The following SRCIN1 variants were observed in gnomAD, a reference collection of about 807,000 sequenced individuals.
SRCIN1 encodes the protein P130Cas-associated protein.
SRCIN1 carries 50 observed loss-of-function variants against 116.2 expected under a neutral mutation model. The ratio of observed to expected loss-of-function variants is 0.43; its 90% confidence interval spans 0.34 to 0.54. The LOEUF is 0.54. Ranked by LOEUF, SRCIN1 falls within the 20% of genes least tolerant of loss-of-function variation. The probability of loss-of-function intolerance (pLI) is 0.02; values close to 1 mark genes in which losing one functional copy is unlikely to be tolerated. For missense variants in SRCIN1, 1,446 were observed against 1,672.0 expected (o/e 0.86, Z 2.36); for synonymous variants, 736 against 750.0 (o/e 0.98, Z 0.30).
upstream of SRCIN1, among the ~76,000 whole-genome samples, chr17:38,606,123 C>T (rs1350032275): frequency 2.0e-5 from 3 of 150,730 alleles, no homozygotes; most frequent in Admixed American, 1.3e-4. This position sits in a 1 kb window ranked among gnomAD's most constrained non-coding sequence, Gnocchi z 5.2. Flanking sequence ...GATCCCGCAG[C>T]GCGCGGCCGG....
At position 38,567,249 on chromosome 17, in the gene SRCIN1, G is replaced by A. The variant is rs573695427; in HGVS notation, c.345+962C>T. ...ACAATTCTATGATGCAGACATTGTC[G>A]TTCTACTCTACAGAGGAGAAACCAA... On this transcript the variant is annotated intron_variant, in intron 3 of 18. Transcript: ENST00000617146. Among the ~76,000 whole-genome samples the A allele has an allele frequency of 1.6e-4, 24 of 152,276 alleles. No homozygotes were observed. The South Asian group carries it at 2.1e-3, about 13-fold the overall frequency.
intron 1 of SRCIN1, among the ~76,000 whole-genome samples, chr17:38,593,184 G>A (rs1009509954): frequency 2.6e-5 from 4 of 152,172 alleles, no homozygotes; most frequent in African/African-American, 9.7e-5. Flanking sequence ...ATTTCAGGGA[G>A]GAGCAGGAAT....
Position 38,563,921 on chromosome 17 carries a change from G to T in SRCIN1, c.541+197C>A, listed in dbSNP as rs1190305810. 1 of 638,218 alleles carries T rather than the reference G, an allele frequency of 1.6e-6. No homozygotes were observed. The highest frequency in any genetic ancestry group is 2.7e-6 in the Non-Finnish European group (1 of 369,460). The allele number at this position is 638,218 out of a possible 1,614,324, so 39.5% of individuals were successfully genotyped here. A position where few individuals can be genotyped will look rare whatever the true frequency, so the allele number is the denominator to read the frequency against. ...CAAGAGGGAGAGAGGAGGCTTGGAG[G>T]GAAAGGGGTCGGGTGGGGATGCTGA... is the stretch of plus-strand genomic sequence containing the variant. On this transcript the variant is annotated intron_variant, in intron 4 of 18. Coordinates refer to ENST00000617146, the MANE Select transcript of SRCIN1 (RefSeq NM_025248.3). This position sits in a 1 kb window ranked among gnomAD's most constrained non-coding sequence, Gnocchi z 5.8.
chr17:38,552,779 C>T lies in SRCIN1; in HGVS notation c.2278G>A (p.Glu760Lys), dbSNP rs2143111999. 6.2e-7 allele frequency: 1 copy of T among 1,614,018 alleles called. No individual in the cohort carries two copies. Among genetic ancestry groups the T allele is most frequent in the East Asian group, 2.2e-5 (1 of 44,876 alleles). ...TGCTTCAGCACCAGTGCCTTCTCCTCCAGCTCAGGGCCGGGCACCAGCCGG... is the reference window on the plus strand; with the variant it reads ...TGCTTCAGCACCAGTGCCTTCTCCTTCAGCTCAGGGCCGGGCACCAGCCGG... ...NHRLVPGPEL[E>K]EKALVLKQLG... Residue 760 changes from glutamate (E) to lysine (K), a missense_variant, in exon 12 of 19, where the codon GAG becomes AAG. Glu to Lys is a moderately conservative substitution (Grantham distance 56). Transcript: ENST00000617146. This position sits in a 1 kb window ranked among gnomAD's most constrained non-coding sequence, Gnocchi z 5.3.
chr17:38,578,899 A>T, intron 1 of SRCIN1, 108 bp from the exon 2 acceptor site: 1 of 1,285,582 alleles, frequency 7.8e-7, no homozygotes. Flanking sequence ...GCCTAAGGAG[A>T]GTGGAGAGGC....
chr17:38,605,101 C>G (rs1909288178), intron 1 of SRCIN1, among the ~76,000 whole-genome samples: 1 of 151,982 alleles, frequency 6.6e-6, no homozygotes, highest in South Asian at 2.1e-4. Flanking sequence ...GGCTTGTATC[C>G]TGGCAACGCG....
intron 1 of SRCIN1, among the ~76,000 whole-genome samples, chr17:38,603,148 A>G (rs1597944576): frequency 2.0e-5 from 3 of 151,568 alleles, no homozygotes; most frequent in African/African-American, 7.3e-5. Context: ...CCCTTTTTCC[A>G]GGGTGGGTCC....
rs1487592688 is a variant in SRCIN1, at chr17:38,585,558, G to A, written c.23-6767C>T. Among the ~76,000 whole-genome samples, 2 of 152,098 alleles carry A rather than the reference G, an allele frequency of 1.3e-5. No individual in the cohort carries two copies. Among genetic ancestry groups the A allele is most frequent in the Non-Finnish European group, 2.9e-5 (2 of 68,010 alleles). On this transcript the variant is annotated intron_variant, in intron 1 of 18. Coordinates refer to ENST00000617146, the MANE Select transcript of SRCIN1 (RefSeq NM_025248.3). This position sits in a 1 kb window ranked among gnomAD's most constrained non-coding sequence, Gnocchi z 4.2. The stretch of plus-strand genomic sequence containing the variant: ...TGCTTCCCCTGCTAGTGAAGGAATC[G>A]GCCTCCCTGTCCCTGGGTGCCCCTG...
Position 38,552,155 on chromosome 17 carries a change from C to A in SRCIN1, c.2481-23G>T. 6.3e-7 allele frequency: 1 copy of A among 1,596,686 alleles called. No individual in the cohort carries two copies. Among genetic ancestry groups the A allele is most frequent in the South Asian group, 1.1e-5 (1 of 88,188 alleles). ...TGCCTGGGGTTGGGAGAGTTGGGAG[C>A]AGCTGTGAGGCCAGCAGGTGGTGAC... On this transcript the variant is annotated intron_variant, in intron 13 of 18. Coordinates refer to ENST00000617146, the MANE Select transcript of SRCIN1 (RefSeq NM_025248.3). This position sits in a 1 kb window ranked among gnomAD's most constrained non-coding sequence, Gnocchi z 5.3.
At chr17:38,597,164 G>A (rs888680779) in intron 1 of SRCIN1, among the ~76,000 whole-genome samples, 7 of 152,212 alleles carry the variant, frequency 4.6e-5, no homozygotes, top group African/African-American at 1.7e-4. Flanking sequence ...ATCCCAGGGA[G>A]AAACAGCTGT....
At chr17:38,598,414 G>T (rs564044013) in intron 1 of SRCIN1, among the ~76,000 whole-genome samples, 1 of 152,138 alleles carries the variant, frequency 6.6e-6, no homozygotes, top group Non-Finnish European at 1.5e-5. Flanking sequence ...TCCTAGGGGT[G>T]AGGGGAGACT....
In SRCIN1 at chr17:38,530,639, C is replaced by T. The variant is rs1313829228; in HGVS notation, c.*2658G>A. On this transcript the variant is annotated 3_prime_UTR_variant, in exon 19 of 19. Coordinates refer to ENST00000617146, the MANE Select transcript of SRCIN1 (RefSeq NM_025248.3). ...ACACACTTGGGTCTGCACCAGCACA[C>T]ATACCTGCACACACACACTCGGAGA... The T allele has an allele frequency of 1.3e-5, 2 of 152,336 alleles. No individual in the cohort carries two copies. Among genetic ancestry groups the T allele is most frequent in the Non-Finnish European group, 2.9e-5 (2 of 68,106 alleles). 9.4% of individuals were successfully genotyped at this position (152,336 alleles called of 1,614,324 possible).
At position 38,561,632 on chromosome 17, in the gene SRCIN1, T is replaced by G; in HGVS notation, c.1531A>C (p.Lys511Gln). 6.3e-7 allele frequency: 1 copy of G among 1,578,832 alleles called. No individual in the cohort carries two copies. The highest frequency in any genetic ancestry group is 2.4e-5 in the East Asian group (1 of 42,346). ...AAGACGGACGAGGAGCCCGAGTCCTTGCGGAAGGACTGGCGCACTGGCGAG... is the reference window on the plus strand; with the variant it reads ...AAGACGGACGAGGAGCCCGAGTCCTGGCGGAAGGACTGGCGCACTGGCGAG... ...RGSPVRQSFR[K>Q]DSGSSSVFAE... The change falls in exon 7 of 19, where the codon AAG (lysine) becomes CAG (glutamine). Residue 511 changes from lysine to glutamine, a missense_variant. Coordinates refer to ENST00000617146, the MANE Select transcript of SRCIN1 (RefSeq NM_025248.3).
intron 11 of SRCIN1, among the ~76,000 whole-genome samples, 164 bp from the exon 12 acceptor site, chr17:38,553,019 C>G (rs1163594601): frequency 1.3e-5 from 2 of 152,214 alleles, no homozygotes; most frequent in East Asian, 3.8e-4. Flanking sequence ...CTTTGGGAGG[C>G]TGAGGCAGGC....
Position 38,564,122 on chromosome 17 carries a change from G to C in SRCIN1, c.537C>G (p.Ser179=), listed in dbSNP as rs758993179. ...SRSASQTKLR[S]PGVLFLQFGE... The stretch of plus-strand genomic sequence containing the variant: ...GGTGGACTGGGCGGGCAGTACCTGG[G>C]GAGCGCAGCTTGGTCTGGCTGGCCG... Residue 179 remains serine (S), a synonymous_variant, in exon 4 of 19, where the codon TCC becomes TCG. Coordinates refer to ENST00000617146, the MANE Select transcript of SRCIN1 (RefSeq NM_025248.3). 3.1e-6 allele frequency: 5 copies of C among 1,597,802 alleles called. No individual in the cohort carries two copies. The Admixed American group carries it at 8.6e-5, about 28-fold the overall frequency.
intron 1 of SRCIN1, among the ~76,000 whole-genome samples, chr17:38,579,055 C>T (rs991477549): frequency 2.0e-5 from 3 of 152,130 alleles, no homozygotes; most frequent in African/African-American, 7.2e-5. Flanking sequence ...GGGTTTGGAG[C>T]GATAATGACC....
chr17:38,606,963 C>T (rs1454914681), upstream of SRCIN1, among the ~76,000 whole-genome samples: 1 of 152,298 alleles, frequency 6.6e-6, no homozygotes, highest in East Asian at 1.9e-4. This position sits in a 1 kb window ranked among gnomAD's most constrained non-coding sequence, Gnocchi z 5.2. Flanking sequence ...TTTCCAAAAG[C>T]AGTTTAGGTG....
chr17:38,543,917 C>T lies in SRCIN1; in HGVS notation c.3323G>A (p.Arg1108Gln), dbSNP rs367927741. 13 of 1,602,818 alleles carry T rather than the reference C, an allele frequency of 8.1e-6. No individual in the cohort carries two copies. Among genetic ancestry groups the T allele is most frequent in the East Asian group, 2.2e-5 (1 of 44,786 alleles). Reference sequence around the variant, plus strand: ...CGCCTGGCCCTGGGCCGCCTTCAGCCGAGAGGCCCCCGGAGTCACCACCTT... The same window carrying T: ...CGCCTGGCCCTGGGCCGCCTTCAGCTGAGAGGCCCCCGGAGTCACCACCTT... Reference protein sequence around the residue: ...PMKVVTPGASRLKAAQGQAGS... With the variant: ...PMKVVTPGASQLKAAQGQAGS... The change falls in exon 18 of 19, where the codon CGG (arginine) becomes CAG (glutamine). Residue 1108 changes from arginine (R) to glutamine (Q), a missense_variant. Coordinates refer to ENST00000617146, the MANE Select transcript of SRCIN1 (RefSeq NM_025248.3).
In SRCIN1 at chr17:38,533,268, G is replaced by A. The variant is rs775771060; in HGVS notation, c.*29C>T. 1.6e-6 allele frequency: 2 copies of A among 1,279,646 alleles called. No individual in the cohort carries two copies. The highest frequency in any genetic ancestry group is 1.3e-5 in the South Asian group (1 of 77,934). The allele number at this position is 1,279,646 out of a possible 1,614,324, so 79.3% of individuals were successfully genotyped here. A position where few individuals can be genotyped will look rare whatever the true frequency, so the allele number is the denominator to read the frequency against. On this transcript the variant is annotated 3_prime_UTR_variant, in exon 19 of 19. Coordinates refer to ENST00000617146, the MANE Select transcript of SRCIN1 (RefSeq NM_025248.3). ...AGAAATGGCAGGAGTGAGGGAGGGG[G>A]ACAGGCGGGGCAGCGGGGTGAGGGG... is the stretch of plus-strand genomic sequence containing the variant.
Sources: allele counts gnomAD v4.1 joint callset (sites outside exome capture counted in the v4.1 genomes callset), GRCh38; gene constraint gnomAD v4.1.1; non-coding constraint Gnocchi (gnomAD v3.1); transcripts MANE v1.5; gene names NCBI Gene and HGNC (gene_info 2026-07-23, HGNC 2026-07-21).